The following DPYD variants were observed in gnomAD, a reference collection of about 807,000 sequenced individuals.
DPYD encodes dihydropyrimidine dehydrogenase [NADP(+)].
Under a neutral mutation model 116.2 loss-of-function variants are expected in DPYD, and 109 were observed. The ratio of observed to expected loss-of-function variants is 0.94; its 90% CI spans 0.80 to 1.10. DPYD has a LOEUF of 1.10. Among genes scored for constraint, DPYD ranks in the 50% least tolerant of loss-of-function variants. The probability of loss-of-function intolerance (pLI) is 0.00; values close to 1 mark genes in which losing one functional copy is unlikely to be tolerated. For missense variants in DPYD, 1,302 were observed against 1,254.5 expected (o/e 1.04, Z -0.57); for synonymous variants, 440 against 432.0 (o/e 1.02, Z -0.23).
chr1:97,084,506 T>A (rs1330941928), intron 21 of DPYD, among the ~76,000 whole-genome samples: 1 of 151,904 alleles, frequency 6.6e-6, no homozygotes, highest in East Asian at 1.9e-4. Flanking sequence ...TCTTAAAAAT[T>A]TTTTTTGATG....
chr1:97,501,186 A>C (rs914061433), intron 13 of DPYD, among the ~76,000 whole-genome samples: 42 of 152,042 alleles, frequency 2.8e-4, no homozygotes, highest in African/African-American at 9.7e-4. Flanking sequence ...CAATTACTGA[A>C]CTGTTTATAA....
At chr1:97,572,070 A>G (rs1359888270) in intron 11 of DPYD, among the ~76,000 whole-genome samples, 1 of 151,916 alleles carries the variant, frequency 6.6e-6, no homozygotes, top group Non-Finnish European at 1.5e-5. Context: ...CAGGCAGTTT[A>G]TTATTTCAAA....
intron 2 of DPYD, among the ~76,000 whole-genome samples, chr1:97,859,519 T>C (rs995323435): frequency 6.6e-6 from 1 of 152,128 alleles, no homozygotes. Context: ...AAACTGCATG[T>C]TTTTTACAAG....
At chr1:97,501,527 C>T (rs1679581458) in intron 13 of DPYD, among the ~76,000 whole-genome samples, 2 of 151,932 alleles carry the variant, frequency 1.3e-5, no homozygotes, top group African/African-American at 2.4e-5. Context: ...CATAACAACA[C>T]CCTGTCTTTA....
chr1:97,503,267 T>TC (rs1679697725), intron 13 of DPYD, among the ~76,000 whole-genome samples: 2 of 151,954 alleles, frequency 1.3e-5, no homozygotes, highest in South Asian at 4.1e-4. Context: ...GTTTGTTTAT[T>TC]CCCCCCATTT....
rs544324064 is a variant in DPYD at position 97,173,334 on chromosome 1, G to A, written c.2622+19735C>T. Among the ~76,000 whole-genome samples, 9 of 143,396 alleles carry A rather than the reference G, an allele frequency of 6.3e-5. No individual in the cohort carries two copies. In the South Asian group the frequency reaches 6.5e-4, roughly 10 times the overall value. 94.1% of individuals were successfully genotyped at this position (143,396 alleles called of 152,430 possible). A position where few individuals can be genotyped will look rare whatever the true frequency, so the allele number is the denominator to read the frequency against. On this transcript the variant is annotated intron_variant, in intron 20 of 22. Coordinates refer to ENST00000370192, the MANE Select transcript of DPYD (RefSeq NM_000110.4). ...TATGCACACATATATACACATATAT[G>A]TGTATATATGCACACATATATGTAC...
At chr1:97,227,702 T>G (rs1333572957) in intron 19 of DPYD, among the ~76,000 whole-genome samples, 1 of 148,190 alleles carries the variant, frequency 6.7e-6, no homozygotes, top group Non-Finnish European at 1.5e-5. Context: ...ATGGATTTTA[T>G]AAATAAATTT....
intron 22 of DPYD, among the ~76,000 whole-genome samples, chr1:97,081,010 C>A (rs1649113177): frequency 6.6e-6 from 1 of 151,760 alleles, no homozygotes; most frequent in South Asian, 2.1e-4. Context: ...TGAAAGACGA[C>A]ATGAAAGTAA....
rs574348268 is a variant in DPYD, at chr1:97,912,823, A to C, written c.39+8061T>G. On this transcript the variant is annotated intron_variant, in intron 1 of 22. Coordinates refer to ENST00000370192, the MANE Select transcript of DPYD (RefSeq NM_000110.4). Reference sequence around the variant, plus strand: ...CTTCTTTGAACTGTGGAGAAGTTTAAATTTTTACCCCAGCACTCCTCAATA... The same window carrying C: ...CTTCTTTGAACTGTGGAGAAGTTTACATTTTTACCCCAGCACTCCTCAATA... Among the ~76,000 whole-genome samples, 4 of 152,170 alleles carry C rather than the reference A, an allele frequency of 2.6e-5. No individual in the cohort carries two copies. The South Asian group carries it at 6.2e-4, about 24-fold the overall frequency.
intron 20 of DPYD, among the ~76,000 whole-genome samples, chr1:97,125,474 G>A (rs757495095): frequency 6.6e-6 from 1 of 152,052 alleles, no homozygotes; most frequent in Non-Finnish European, 1.5e-5. Flanking sequence ...TGACTTTCTA[G>A]TACTTATAAT....
chr1:97,146,642 T>G (rs1027105059), intron 20 of DPYD, among the ~76,000 whole-genome samples: 9 of 152,196 alleles, frequency 5.9e-5, no homozygotes, highest in Non-Finnish European at 1.3e-4. Context: ...TTCTAGCCAT[T>G]TTTTAAACCT....
chr1:97,086,357 T>TC (rs1649520682), intron 21 of DPYD, among the ~76,000 whole-genome samples: 1 of 151,766 alleles, frequency 6.6e-6, no homozygotes. Flanking sequence ...GCCAAGTTTT[T>TC]TTTTTTTTTT....
At chr1:97,309,671 A>T (rs1570481456) in intron 16 of DPYD, among the ~76,000 whole-genome samples, 2 of 151,892 alleles carry the variant, frequency 1.3e-5, no homozygotes, top group African/African-American at 4.8e-5. Context: ...TCTGCCTGCA[A>T]CTAATCTTAT....
rs539363173 is a variant in DPYD at position 97,400,749 on chromosome 1, A to G, written c.1906-18288T>C. 9.9e-5 allele frequency among the ~76,000 whole-genome samples: 15 copies of G among 152,234 alleles called. No homozygotes were observed. In the South Asian group the frequency reaches 3.1e-3, roughly 32 times the overall value. ...AGTTTATTTGTGTAGAGGTGTTTAT[A>G]GTATTCTCTGATGGTAGTTTGTATT... On this transcript the variant is annotated intron_variant, in intron 14 of 22. Transcript: ENST00000370192.
chr1:97,205,273 G>C lies in DPYD; in HGVS notation c.2443-12025C>G, dbSNP rs1180189874. ...CATCATTAGAGTTTTATACAGAATAGCTTCACTGCCCTAAAAATCTACTAT... is the reference window on the plus strand; with the variant it reads ...CATCATTAGAGTTTTATACAGAATACCTTCACTGCCCTAAAAATCTACTAT... On this transcript the variant is annotated intron_variant, in intron 19 of 22. Coordinates refer to ENST00000370192, the MANE Select transcript of DPYD (RefSeq NM_000110.4). Among the ~76,000 whole-genome samples the C allele has an allele frequency of 8.5e-5, 13 of 152,066 alleles. No homozygotes were observed. In the South Asian group the frequency reaches 2.7e-3, roughly 32 times the overall value.
chr1:97,227,366 GA>G (rs35923854), intron 19 of DPYD, among the ~76,000 whole-genome samples: 11 of 127,540 alleles, frequency 8.6e-5, no homozygotes. Context: ...AAGAAAGAAA[GA>G]AAAAAGAAAG....
At chr1:97,564,892 C>T (rs979210524) in intron 11 of DPYD, among the ~76,000 whole-genome samples, 1 of 152,132 alleles carries the variant, frequency 6.6e-6, no homozygotes, top group African/African-American at 2.4e-5. Flanking sequence ...TGTAGTTCCA[C>T]ACTCCTGATG....
chr1:97,381,932 T>C (rs1671995873), intron 15 of DPYD, among the ~76,000 whole-genome samples: 1 of 152,222 alleles, frequency 6.6e-6, no homozygotes, highest in Non-Finnish European at 1.5e-5. Flanking sequence ...TGCATGTCTG[T>C]ATTCAAACTA....
intron 3 of DPYD, among the ~76,000 whole-genome samples, chr1:97,747,961 AACTT>A (rs1664649266): frequency 6.6e-6 from 1 of 152,180 alleles, no homozygotes; most frequent in Non-Finnish European, 1.5e-5. Flanking sequence ...TTTCTTTAGT[AACTT>A]AACAGGTATT....
Sources: gnomAD v4.1 joint callset for allele counts (sites outside exome capture counted in the v4.1 genomes callset) on GRCh38, gnomAD v4.1.1 for gene constraint, MANE v1.5 for transcripts, NCBI Gene and HGNC (gene_info 2026-07-23, HGNC 2026-07-21) for gene names.